Variants in BDNF observed in about 807,000 individuals in gnomAD.
BDNF encodes brain derived neurotrophic factor.
BDNF carries 1 observed loss-of-function variant against 19.5 expected under a neutral mutation model. That is an observed-to-expected ratio of 0.05 (90% CI 0.02 to 0.24). The LOEUF is 0.24. Ranked by LOEUF, BDNF falls within the 10% of genes least tolerant of loss-of-function variation. The probability of loss-of-function intolerance (pLI) is 1.00; values close to 1 mark genes in which losing one functional copy is unlikely to be tolerated. For missense variants in BDNF, 195 were observed against 317.6 expected, an observed-to-expected ratio of 0.61 and a Z score of 2.93; for synonymous variants, 100 against 121.6, an observed-to-expected ratio of 0.82 and a Z score of 1.17.
intron 1 of BDNF, chr11:27,676,085 A>G (rs1856061090): frequency 6.6e-6 from 1 of 152,254 alleles, no homozygotes; most frequent in Non-Finnish European, 1.5e-5. Context: ...TTAGAGGAGC[A>G]GCTGCAAGGA....
At chr11:27,713,305 G>A (rs535477827) in intron 1 of BDNF, among the ~76,000 whole-genome samples, 1 of 152,172 alleles carries the variant, frequency 6.6e-6, no homozygotes, top group South Asian at 2.1e-4. Context: ...TACTAAAGTA[G>A]CCAGAACAAC....
At chr11:27,719,411 C>T (rs903117027) in intron 1 of BDNF, 30 of 970,202 alleles carry the variant, frequency 3.1e-5, no homozygotes, top group African/African-American at 7.0e-5. Context: ...CCGCCCAGGC[C>T]CCCTCGCCCG....
rs1361224633 is a variant in BDNF at position 27,656,884 on chromosome 11, A to G, written c.*937T>C. ...CACAATGTGTTCACTTGTTCACAGCAGTGGTAAAATATTTCAGAACGCGCA... is the reference window on the plus strand; with the variant it reads ...CACAATGTGTTCACTTGTTCACAGCGGTGGTAAAATATTTCAGAACGCGCA... On this transcript the variant is annotated 3_prime_UTR_variant, in exon 2 of 2. Coordinates refer to ENST00000356660, the MANE Select transcript of BDNF (RefSeq NM_001709.5). The G allele has an allele frequency of 1.4e-5, 14 of 985,228 alleles. No homozygotes were observed. Among genetic ancestry groups the G allele is most frequent in the Non-Finnish European group, 1.4e-5 (12 of 829,900 alleles). The allele number at this position is 985,228 out of a possible 1,614,324, so 61.0% of individuals were successfully genotyped here.
intron 1 of BDNF, among the ~76,000 whole-genome samples, chr11:27,678,003 G>C (rs1312466532): frequency 6.6e-6 from 1 of 152,188 alleles, no homozygotes; most frequent in African/African-American, 2.4e-5. Context: ...ATTGGGTATA[G>C]AGAATAGTCC....
At chr11:27,667,428 A>ATTT (rs1468783367) in intron 1 of BDNF, among the ~76,000 whole-genome samples, 2 of 152,230 alleles carry the variant, frequency 1.3e-5, no homozygotes, top group Admixed American at 1.3e-4. Flanking sequence ...TATTAACCTT[A>ATTT]AATGTAAATG....
intron 1 of BDNF, among the ~76,000 whole-genome samples, chr11:27,678,366 T>A (rs1856446318): frequency 6.6e-6 from 1 of 152,132 alleles, no homozygotes; most frequent in Admixed American, 6.5e-5. Flanking sequence ...CAAAAGCATC[T>A]GAGATACTGA....
upstream of BDNF, chr11:27,701,770 A>G (rs1035586287): frequency 4.7e-5 from 15 of 318,140 alleles, no homozygotes; most frequent in Non-Finnish European, 6.4e-5. Context: ...ATCTTTTATT[A>G]GAAGAGTTCC....
chr11:27,679,577 C>T (rs1397807903), intron 1 of BDNF, among the ~76,000 whole-genome samples: 1 of 152,144 alleles, frequency 6.6e-6, no homozygotes, highest in African/African-American at 2.4e-5. Context: ...GCAAGTATGA[C>T]ATGAAAACCA....
At position 27,658,598 on chromosome 11, in the gene BDNF, A is replaced by G. The variant is rs1852874778; in HGVS notation, c.-21-13T>C. ...TCACCTGGTGGAACTGTAGGGAGAA[A>G]GCAGAAACAAGACAGAAAACTGGTT... On this transcript the variant is annotated splice_polypyrimidine_tract_variant and intron_variant, in intron 1 of 1. Coordinates refer to ENST00000356660, the MANE Select transcript of BDNF (RefSeq NM_001709.5). This position sits in a 1 kb window ranked among gnomAD's most constrained non-coding sequence, Gnocchi z 5.7. The G allele has an allele frequency of 6.2e-7, 1 of 1,614,216 alleles. No individual in the cohort carries two copies. Among genetic ancestry groups the G allele is most frequent in the Non-Finnish European group, 8.5e-7 (1 of 1,180,032 alleles).
chr11:27,657,397 G>A lies in BDNF; in HGVS notation c.*424C>T, dbSNP rs1184292079. On this transcript the variant is annotated 3_prime_UTR_variant, in exon 2 of 2. Coordinates refer to ENST00000356660, the MANE Select transcript of BDNF (RefSeq NM_001709.5). The surrounding 1 kb of genome is among the most constrained non-coding windows in gnomAD (Gnocchi z 5.0). ...AAACAGATATAGTACTAACAAGAAC[G>A]AAGATACTTACTGTCTAAAATGTAA... is the stretch of plus-strand genomic sequence containing the variant. 22 of 1,030,724 alleles carry A rather than the reference G, an allele frequency of 2.1e-5. No individual in the cohort carries two copies. The highest frequency in any genetic ancestry group is 2.4e-5 in the Non-Finnish European group (21 of 857,404). 63.8% of individuals were successfully genotyped at this position (1,030,724 alleles called of 1,614,324 possible).
At chr11:27,713,443 G>T (rs1176633959) in intron 1 of BDNF, among the ~76,000 whole-genome samples, 1 of 152,018 alleles carries the variant, frequency 6.6e-6, no homozygotes, top group East Asian at 1.9e-4. Context: ...CACTCACACT[G>T]CAATGCCCTA....
intron 1 of BDNF, among the ~76,000 whole-genome samples, chr11:27,683,127 T>C (rs936340289): frequency 1.3e-5 from 2 of 152,242 alleles, no homozygotes; most frequent in African/African-American, 2.4e-5. Context: ...GGTATCTCAC[T>C]GTGGTTTTGA....
chr11:27,690,219 T>A (rs1190989756), intron 1 of BDNF, among the ~76,000 whole-genome samples: 1 of 152,170 alleles, frequency 6.6e-6, no homozygotes, highest in Non-Finnish European at 1.5e-5. Context: ...AGTATCTACT[T>A]TATCAGGTAC....
At chr11:27,715,754 T>C (rs1313693885) in intron 1 of BDNF, among the ~76,000 whole-genome samples, 2 of 152,216 alleles carry the variant, frequency 1.3e-5, no homozygotes, top group East Asian at 3.8e-4. Flanking sequence ...TACATCTTAC[T>C]GGCAGTGTAG....
At chr11:27,720,407 A>C (rs1325047016) in intron 1 of BDNF, 3 of 985,866 alleles carry the variant, frequency 3.0e-6, no homozygotes, top group Non-Finnish European at 3.6e-6. Context: ...TGCATTTCCC[A>C]AAGTTAACCC....
At chr11:27,717,240 A>G (rs1043368302) in intron 1 of BDNF, among the ~76,000 whole-genome samples, 2 of 152,236 alleles carry the variant, frequency 1.3e-5, no homozygotes, top group Non-Finnish European at 2.9e-5. Context: ...ATAATATTTT[A>G]TAAGCCAACT....
chr11:27,710,028 T>C (rs946062780), intron 1 of BDNF, among the ~76,000 whole-genome samples: 3 of 152,242 alleles, frequency 2.0e-5, no homozygotes, highest in African/African-American at 7.2e-5. Flanking sequence ...CTTAGTTATC[T>C]CTGACAAAGC....
At chr11:27,712,037 C>G (rs888917766) in intron 1 of BDNF, among the ~76,000 whole-genome samples, 4 of 152,112 alleles carry the variant, frequency 2.6e-5, no homozygotes, top group African/African-American at 7.2e-5. Flanking sequence ...CTTACCATAC[C>G]CTGGCCTTCT....
At chr11:27,699,307 T>A in intron 1 of BDNF, 1 of 1,586,010 alleles carries the variant, frequency 6.3e-7, no homozygotes, top group South Asian at 1.1e-5. Flanking sequence ...TAGTCTGTAA[T>A]CTCCCCTTCT....
Sources: gnomAD v4.1 joint callset for allele counts (sites outside exome capture counted in the v4.1 genomes callset) on GRCh38, gnomAD v4.1.1 for gene constraint, Gnocchi (gnomAD v3.1) non-coding constraint, MANE v1.5 for transcripts, NCBI Gene and HGNC (gene_info 2026-07-23, HGNC 2026-07-21) for gene names.